RGS12: variants seen among roughly 807,000 people sequenced by gnomAD.
The protein encoded by RGS12 is regulator of G protein signaling 12.
Under a neutral mutation model 120.1 loss-of-function variants are expected in RGS12, and 66 were observed. The observed-to-expected ratio is 0.55, with a 90% CI of 0.45 to 0.67. The LOEUF (loss-of-function observed/expected upper bound fraction) is 0.67, where lower values mean the gene tolerates loss of function less well. Among genes scored for constraint, RGS12 ranks in the 30% least tolerant of loss-of-function variants. RGS12 has a pLI of 0.00. For synonymous variants in RGS12, 827 were observed against 804.7 expected, an observed-to-expected ratio of 1.03 and a Z score of -0.47; for missense variants, 1,859 against 1,957.7, an observed-to-expected ratio of 0.95 and a Z score of 0.95.
chr4:3,312,513 T>C (rs992868757), intron 1 of RGS12: 8 of 222,874 alleles, frequency 3.6e-5, no homozygotes, highest in Non-Finnish European at 6.9e-5. Context: ...GTTTGAAATA[T>C]GAGTTGGCAA....
At position 3,389,479 on chromosome 4, in the gene RGS12, C is replaced by G. The variant is rs544885070; in HGVS notation, c.2020+3042C>G. Among the ~76,000 whole-genome samples the G allele has an allele frequency of 6.6e-6, 1 of 152,128 alleles. No individual in the cohort carries two copies. The highest frequency in any genetic ancestry group is 1.5e-5 in the Non-Finnish European group (1 of 68,020). ...GAAGAAATGAGAAAAGGAAGATGCC[C>G]GGTTGCTCCTGGAAAAAGGAACCTC... On this transcript the variant is annotated intron_variant, in intron 4 of 17. Coordinates refer to ENST00000336727, the MANE Select transcript of RGS12 (RefSeq NM_001394154.1). The surrounding 1 kb of genome is among the most constrained non-coding windows in gnomAD (Gnocchi z 5.2).
intron 3 of RGS12, among the ~76,000 whole-genome samples, chr4:3,356,002 AT>A (rs1254732114): frequency 4.6e-5 from 7 of 151,244 alleles, no homozygotes; most frequent in Non-Finnish European, 8.8e-5. Context: ...AAAGAAGATG[AT>A]TCTAAAATCT....
intron 17 of RGS12, among the ~76,000 whole-genome samples, chr4:3,434,990 C>T (rs28612295): frequency 0.021 from 3,162 of 152,158 alleles, 123 homozygotes; most frequent in African/African-American, 0.073. Context: ...CTCCACCTGC[C>T]GGCAGGGAGA....
chr4:3,332,781 C>G (rs1712004946), intron 2 of RGS12, among the ~76,000 whole-genome samples: 1 of 152,198 alleles, frequency 6.6e-6, no homozygotes, highest in Non-Finnish European at 1.5e-5. Flanking sequence ...ACTCTTCTAG[C>G]CAGATGTATA....
At chr4:3,330,615 A>G (rs1322874441) in intron 2 of RGS12, among the ~76,000 whole-genome samples, 1 of 152,198 alleles carries the variant, frequency 6.6e-6, no homozygotes, top group Non-Finnish European at 1.5e-5. Context: ...TCTGTTGACA[A>G]TGGAGTAAAA....
At position 3,420,715 on chromosome 4, in the gene RGS12, C is replaced by CA; in HGVS notation, c.2835_2836insA (p.Leu946ThrfsTer48). Reference sequence around the variant, plus strand: ...CTGTGTCCTCTGCGGGGAGCCTGGACCTGGTGAGTCACTGTCTCCCCTCGT... The same window carrying CA: ...CTGTGTCCTCTGCGGGGAGCCTGGACACTGGTGAGTCACTGTCTCCCCTCGT... On this transcript the variant is annotated frameshift_variant, in exon 10 of 18. Coordinates refer to ENST00000336727, the MANE Select transcript of RGS12 (RefSeq NM_001394154.1). LOFTEE classifies it high-confidence loss of function. 1 of 1,611,764 alleles carries CA rather than the reference C, an allele frequency of 6.2e-7. No individual in the cohort carries two copies. The highest frequency in any genetic ancestry group is 8.5e-7 in the Non-Finnish European group (1 of 1,179,836).
At position 3,354,942 on chromosome 4, in the gene RGS12, A is replaced by G. The variant is rs144258779; in HGVS notation, c.1998+11889A>G. Among the ~76,000 whole-genome samples, 1,406 of 152,318 alleles carry G rather than the reference A, an allele frequency of 9.2e-3. 12 individuals are homozygous for G. The highest frequency in any genetic ancestry group is 0.02 in the Middle Eastern group (6 of 294). On this transcript the variant is annotated intron_variant, in intron 3 of 17. Transcript: ENST00000336727. ...AAAAATAAAGAAAGATTATTTCCCA[A>G]CTCATTTTATGAGGCTACCATATAA...
chr4:3,386,269 TC>T, intron 3 of RGS12, 146 bp from the exon 4 acceptor site: 1 of 743,260 alleles, frequency 1.3e-6, no homozygotes, highest in East Asian at 2.5e-5. Context: ...CATTGGGCCG[TC>T]TGGCTTTCCC....
intron 4 of RGS12, among the ~76,000 whole-genome samples, chr4:3,408,787 C>G (rs1721423307): frequency 6.6e-6 from 1 of 152,192 alleles, no homozygotes; most frequent in Non-Finnish European, 1.5e-5. Context: ...GGTAATGTGT[C>G]TGCTTCCTCT....
chr4:3,404,901 C>T lies in RGS12; in HGVS notation c.2021-9171C>T, dbSNP rs73077194. 4.6e-3 allele frequency among the ~76,000 whole-genome samples: 705 copies of T among 152,286 alleles called. 3 individuals carry two copies. Among genetic ancestry groups the T allele is most frequent in the African/African-American group, 0.016 (663 of 41,552 alleles). ...AAAACACAGGATGAAGCTGGAGCTT[C>T]GCTTTTATTTTTTTTCACACCAGAA... On this transcript the variant is annotated intron_variant, in intron 4 of 17. Transcript: ENST00000336727.
At chr4:3,346,001 C>T (rs190804522) in intron 3 of RGS12, among the ~76,000 whole-genome samples, 1 of 152,240 alleles carries the variant, frequency 6.6e-6, no homozygotes, top group Non-Finnish European at 1.5e-5. Flanking sequence ...AATCTGTCTT[C>T]CCGCCTCTGC....
chr4:3,414,762 G>A lies in RGS12; in HGVS notation c.2201G>A (p.Arg734Lys). 6.2e-7 allele frequency: 1 copy of A among 1,607,146 alleles called. No individual in the cohort carries two copies. Among genetic ancestry groups the A allele is most frequent in the South Asian group, 1.1e-5 (1 of 90,936 alleles). ...VGVRYFSDFL[R>K]KEFSEENILF... is the part of the protein sequence containing the mutation. Reference sequence around the variant, plus strand: ...CTTTGTCTTTCTTAGGATTTTCTAAGGAAAGAATTCAGTGAAGAAAACATT... The same window carrying A: ...CTTTGTCTTTCTTAGGATTTTCTAAAGAAAGAATTCAGTGAAGAAAACATT... The change falls in exon 6 of 18, where the codon AGG becomes AAG. Residue 734 changes from arginine (R) to lysine (K), a missense_variant. By Grantham distance (26) the Arg-to-Lys change is conservative (BLOSUM62 2). This residue lies in a region of RGS12 where 375 missense variants were observed against 475.0 expected (regional missense o/e 0.79). Coordinates refer to ENST00000336727, the MANE Select transcript of RGS12 (RefSeq NM_001394154.1).
At chr4:3,320,800 C>T (rs531178171) in intron 2 of RGS12, among the ~76,000 whole-genome samples, 2 of 152,258 alleles carry the variant, frequency 1.3e-5, no homozygotes, top group East Asian at 1.9e-4. Flanking sequence ...TGGGTCCGGA[C>T]GTCGCCGTGG....
chr4:3,310,851 C>G (rs1049054053), intron 1 of RGS12, among the ~76,000 whole-genome samples: 1 of 152,170 alleles, frequency 6.6e-6, no homozygotes, highest in African/African-American at 2.4e-5. Flanking sequence ...GTCTCAGGCC[C>G]TTCCTCTGTG....
At position 3,425,492 on chromosome 4, in the gene RGS12, G is replaced by T. The variant is rs781258659; in HGVS notation, c.3263G>T (p.Gly1088Val). 1.2e-6 allele frequency: 2 copies of T among 1,612,392 alleles called. No homozygotes were observed. Among genetic ancestry groups the T allele is most frequent in the Non-Finnish European group, 1.7e-6 (2 of 1,179,824 alleles). Residue 1088 changes from glycine (G) to valine (V), a missense_variant, in exon 14 of 18, where the codon GGC (glycine) becomes GTC (valine). By Grantham distance (109) the Gly-to-Val change is moderately radical. Transcript: ENST00000336727. ...GGAGAGAAGGAGCCCCTGGACCTTG[G>T]CGCCCCTATATCGAGTCTGGACGGA... ...LSGEKEPLDLGAPISSLDGQR... is the reference protein window; with the variant it reads ...LSGEKEPLDLVAPISSLDGQR...
chr4:3,435,941 C>A (rs1577113016), intron 17 of RGS12, among the ~76,000 whole-genome samples: 1 of 152,050 alleles, frequency 6.6e-6, no homozygotes, highest in East Asian at 1.9e-4. Context: ...CACTCCTGTG[C>A]CCTCAGTCAC....
Position 3,422,662 on chromosome 4 carries a change from C to T in RGS12, c.3033+92C>T, listed in dbSNP as rs185800732. 31 of 1,348,230 alleles carry T rather than the reference C, an allele frequency of 2.3e-5. No individual in the cohort carries two copies. The East Asian group carries it at 6.3e-4, about 28-fold the overall frequency. 83.5% of individuals were successfully genotyped at this position (1,348,230 alleles called of 1,614,324 possible). ...TTTGTCAGAGTCCTCAGGCTGCCCC[C>T]TCCTGCGCTCCTCATTTCAACAGCG... On this transcript the variant is annotated intron_variant, in intron 11 of 17. Coordinates refer to ENST00000336727, the MANE Select transcript of RGS12 (RefSeq NM_001394154.1).
intron 3 of RGS12, among the ~76,000 whole-genome samples, chr4:3,344,771 G>T (rs552851965): frequency 6.6e-6 from 1 of 152,326 alleles, no homozygotes; most frequent in South Asian, 2.1e-4. Flanking sequence ...TGTGGTCCCT[G>T]CTGTCTTTGC....
At chr4:3,423,033 C>G in intron 12 of RGS12, 55 bp downstream of exon 12, 3 of 1,409,328 alleles carry the variant, frequency 2.1e-6, no homozygotes, top group Non-Finnish European at 2.0e-6. Flanking sequence ...ACCCCGTGTG[C>G]CCACCACCTG....
Sources: gnomAD v4.1 joint callset for allele counts (sites outside exome capture counted in the v4.1 genomes callset) on GRCh38, gnomAD v4.1.1 for gene constraint, gnomAD v4.1.1 regional missense constraint, Gnocchi (gnomAD v3.1) non-coding constraint, MANE v1.5 for transcripts, NCBI Gene and HGNC (gene_info 2026-07-23, HGNC 2026-07-21) for gene names.